The following XRCC4 variants were observed in gnomAD, a reference collection of about 807,000 sequenced individuals.
XRCC4 encodes the protein X-ray repair cross complementing 4, also known as DNA repair protein XRCC4.
A neutral mutation model predicts 39.1 loss-of-function variants in XRCC4; 28 were observed. That is an observed-to-expected ratio of 0.72 (90% CI 0.53 to 0.98). The LOEUF (loss-of-function observed/expected upper bound fraction) is 0.98. Among genes scored for constraint, XRCC4 ranks in the 50% least tolerant of loss-of-function variants. XRCC4 has a pLI of 0.00. For missense variants in XRCC4, 350 were observed against 376.4 expected (o/e 0.93, Z 0.58); for synonymous variants, 123 against 126.4 (o/e 0.97, Z 0.18).
rs553360196 is a variant in XRCC4 at position 83,162,576 on chromosome 5, CTT to C, written c.316-33193_316-33192del. Among the ~76,000 whole-genome samples the C allele has an allele frequency of 2.7e-4, 41 of 152,300 alleles. No individual in the cohort carries two copies. In the South Asian group the frequency reaches 2.9e-3, roughly 11 times the overall value. On this transcript the variant is annotated intron_variant, in intron 3 of 7. Transcript: ENST00000396027. ...AAAGTGTGGAAGCTTTTGATTAACTCTTATAAATCTACTGAAATGTATCACAG... is the reference window on the plus strand; with the variant it reads ...AAAGTGTGGAAGCTTTTGATTAACTCATAAATCTACTGAAATGTATCACAG...
chr5:83,283,525 T>C (rs1754625409), intron 7 of XRCC4, among the ~76,000 whole-genome samples: 1 of 152,212 alleles, frequency 6.6e-6, no homozygotes, highest in Non-Finnish European at 1.5e-5. Context: ...TTAAAACAGG[T>C]CCAAAAGCTC....
chr5:83,289,486 GC>G (rs954990455), intron 7 of XRCC4, among the ~76,000 whole-genome samples: 3 of 151,918 alleles, frequency 2.0e-5, no homozygotes, highest in African/African-American at 7.2e-5. Context: ...TGTTGTCCTT[GC>G]TTTTGTCTCT....
At chr5:83,220,071 G>A (rs1233767228) in intron 6 of XRCC4, among the ~76,000 whole-genome samples, 3 of 152,100 alleles carry the variant, frequency 2.0e-5, no homozygotes, top group Admixed American at 6.6e-5. Context: ...AACGACCCAT[G>A]TATGACTAGG....
At chr5:83,365,043 A>C in the XRCC4 span, among the ~76,000 whole-genome samples, 1 of 152,204 alleles carries the variant, frequency 6.6e-6, no homozygotes, top group Non-Finnish European at 1.5e-5. Context: ...TAAAATCTGC[A>C]CTGCTCATTT....
At chr5:83,230,880 A>G (rs1752470651) in intron 6 of XRCC4, among the ~76,000 whole-genome samples, 1 of 152,004 alleles carries the variant, frequency 6.6e-6, no homozygotes, top group Admixed American at 6.6e-5. Flanking sequence ...AGTTCTTTGT[A>G]ATTCTAAACA....
chr5:83,110,904 G>T (rs1261602501), intron 2 of XRCC4, 124 bp from the exon 3 acceptor site: 3 of 892,298 alleles, frequency 3.4e-6, no homozygotes, highest in Non-Finnish European at 5.0e-6. Flanking sequence ...GTAGTATAGG[G>T]ATTGATTTTA....
chr5:83,325,174 T>G (rs1019788667), intron 7 of XRCC4, among the ~76,000 whole-genome samples: 7 of 152,236 alleles, frequency 4.6e-5, no homozygotes, highest in Middle Eastern at 3.4e-3. Flanking sequence ...AGCATGCTGT[T>G]TTTTAGAGTC....
intron 6 of XRCC4, among the ~76,000 whole-genome samples, chr5:83,239,625 C>A (rs28360198): frequency 6.6e-6 from 1 of 151,492 alleles, no homozygotes; most frequent in Non-Finnish European, 1.5e-5. Flanking sequence ...ATCAGGAGAT[C>A]GAGACCATCC....
intron 4 of XRCC4, among the ~76,000 whole-genome samples, chr5:83,196,531 T>C (rs1343307079): frequency 6.6e-6 from 1 of 151,940 alleles, no homozygotes; most frequent in Non-Finnish European, 1.5e-5. Flanking sequence ...TTATGAACTT[T>C]CTCAACTAAA....
the XRCC4 span, among the ~76,000 whole-genome samples, chr5:83,370,294 A>G: frequency 6.6e-6 from 1 of 152,142 alleles, no homozygotes; most frequent in Non-Finnish European, 1.5e-5. Context: ...TTCTCCAAGC[A>G]GTGGATCTTG....
intron 7 of XRCC4, among the ~76,000 whole-genome samples, chr5:83,297,997 G>C (rs1229652638): frequency 6.6e-6 from 1 of 151,866 alleles, no homozygotes; most frequent in South Asian, 2.1e-4. Flanking sequence ...TTCTCTTGCT[G>C]TGTAGGACCT....
intron 7 of XRCC4, among the ~76,000 whole-genome samples, chr5:83,264,721 T>C (rs1436793355): frequency 1.3e-5 from 2 of 150,698 alleles, no homozygotes; most frequent in Non-Finnish European, 2.9e-5. Flanking sequence ...AGTTATGCTG[T>C]AACCCACAAC....
At chr5:83,113,953 C>G (rs1746579774) in intron 3 of XRCC4, among the ~76,000 whole-genome samples, 1 of 152,200 alleles carries the variant, frequency 6.6e-6, no homozygotes, top group African/African-American at 2.4e-5. Context: ...CATCTGAAAT[C>G]TAGGCAGAGG....
At position 83,289,568 on chromosome 5, in the gene XRCC4, C is replaced by G. The variant is rs1426808709; in HGVS notation, c.893+30891C>G. Among the ~76,000 whole-genome samples, 6 of 151,878 alleles carry G rather than the reference C, an allele frequency of 4.0e-5. No homozygotes were observed. In the South Asian group the frequency reaches 1.2e-3, roughly 31 times the overall value. ...CATCTTCAGCTCTTTCAACTGCAGT[C>G]CACTGTTATAATACTGGAGTCCTGT... On this transcript the variant is annotated intron_variant, in intron 7 of 7. Transcript: ENST00000396027.
At chr5:83,363,619 T>G in the XRCC4 span, among the ~76,000 whole-genome samples, 2 of 152,166 alleles carry the variant, frequency 1.3e-5, no homozygotes, top group Non-Finnish European at 2.9e-5. Context: ...GCAAACAGTC[T>G]TTGGAAGTTG....
intron 7 of XRCC4, among the ~76,000 whole-genome samples, chr5:83,274,805 A>G (rs1580453570): frequency 6.6e-6 from 1 of 152,184 alleles, no homozygotes; most frequent in East Asian, 1.9e-4. Context: ...TCTGTGATGT[A>G]TGTATCAGTG....
At chr5:83,124,678 T>C (rs1343205581) in intron 3 of XRCC4, among the ~76,000 whole-genome samples, 2 of 152,208 alleles carry the variant, frequency 1.3e-5, no homozygotes, top group African/African-American at 2.4e-5. Flanking sequence ...CTGCCCATTT[T>C]GGGAAATAAA....
chr5:83,195,030 G>A (rs933367950), intron 3 of XRCC4, among the ~76,000 whole-genome samples: 14 of 151,968 alleles, frequency 9.2e-5, no homozygotes, highest in Admixed American at 7.9e-4. Flanking sequence ...TAATTTTAAG[G>A]ATAAATATAA....
At chr5:83,123,952 C>T (rs1386794794) in intron 3 of XRCC4, among the ~76,000 whole-genome samples, 2 of 152,002 alleles carry the variant, frequency 1.3e-5, no homozygotes, top group South Asian at 2.1e-4. Flanking sequence ...ACTTTAGAGT[C>T]GAAAAGTTTC....
Sources: allele counts gnomAD v4.1 joint callset (sites outside exome capture counted in the v4.1 genomes callset), GRCh38; gene constraint gnomAD v4.1.1; transcripts MANE v1.5; gene names NCBI Gene and HGNC (gene_info 2026-07-23, HGNC 2026-07-21).